CFH: variants seen among roughly 807,000 people sequenced by gnomAD.
The protein encoded by CFH is complement factor H.
CFH carries 53 observed loss-of-function variants against 147.3 expected under a neutral mutation model. The ratio of observed to expected loss-of-function variants is 0.36; its 90% CI spans 0.29 to 0.45. The LOEUF (loss-of-function observed/expected upper bound fraction) is 0.45, where lower values mean the gene tolerates loss of function less well. Among genes scored for constraint, CFH ranks in the 20% least tolerant of loss-of-function variants. The pLI, the probability that CFH is intolerant of heterozygous loss-of-function variation, is 1.00. For synonymous variants in CFH, 536 were observed against 489.4 expected (o/e 1.10, Z -1.26); for missense variants, 1,380 against 1,498.0 (o/e 0.92, Z 1.30).
chr1:196,747,440 G>T lies in CFH; in HGVS notation c.*127G>T, dbSNP rs369221006. On this transcript the variant is annotated 3_prime_UTR_variant, in exon 22 of 22. Transcript: ENST00000367429. ...AAATTTTGGATTAATTTGTGAAAAT[G>T]TAATTATAAGCTGAGACCGGTGGCT... 21 of 1,127,410 alleles carry T rather than the reference G, an allele frequency of 1.9e-5. No individual in the cohort carries two copies. The East Asian group carries it at 5.4e-4, about 29-fold the overall frequency. The allele number at this position is 1,127,410 out of a possible 1,614,324, so 69.8% of individuals were successfully genotyped here. A position where few individuals can be genotyped will look rare whatever the true frequency, so the allele number is the denominator to read the frequency against.
At chr1:196,703,919 G>A (rs1483075674) in intron 9 of CFH, among the ~76,000 whole-genome samples, 1 of 134,074 alleles carries the variant, frequency 7.5e-6, no homozygotes, top group East Asian at 2.5e-4. Flanking sequence ...GGGAGGCAGA[G>A]CTTGCAAGTG....
chr1:196,727,101 G>C (rs1446056305), intron 14 of CFH, among the ~76,000 whole-genome samples, 161 bp downstream of exon 14: 1 of 151,920 alleles, frequency 6.6e-6, no homozygotes, highest in Non-Finnish European at 1.5e-5. Flanking sequence ...TTCAATATGT[G>C]TCTAGAAAGA....
chr1:196,671,602 A>ACT (rs1438398796), intron 1 of CFH, among the ~76,000 whole-genome samples: 1 of 149,988 alleles, frequency 6.7e-6, no homozygotes, highest in South Asian at 2.1e-4. Context: ...ACACACACAC[A>ACT]CACACACACA....
chr1:196,741,604 A>T, intron 18 of CFH: 1 of 411,566 alleles, frequency 2.4e-6, no homozygotes, highest in Non-Finnish European at 4.5e-6. Flanking sequence ...GGACAAAAAT[A>T]ATGTGAACAA....
chr1:196,671,095 A>G (rs1475220176), intron 1 of CFH, among the ~76,000 whole-genome samples: 2 of 152,158 alleles, frequency 1.3e-5, no homozygotes, highest in Admixed American at 6.5e-5. Flanking sequence ...TCTTAAAACC[A>G]TCTGACAAGT....
At chr1:196,708,814 C>A (rs1449324645) in intron 9 of CFH, among the ~76,000 whole-genome samples, 1 of 152,102 alleles carries the variant, frequency 6.6e-6, no homozygotes. Flanking sequence ...CATTTTCCCA[C>A]CGACTCCAAA....
intron 9 of CFH, among the ~76,000 whole-genome samples, chr1:196,699,100 C>T (rs1668375004): frequency 1.3e-5 from 2 of 152,236 alleles, no homozygotes; most frequent in East Asian, 3.9e-4. Context: ...AAATATCATA[C>T]TAAATATGTG....
chr1:196,699,931 G>A (rs1308598945), intron 9 of CFH, among the ~76,000 whole-genome samples: 1 of 152,072 alleles, frequency 6.6e-6, no homozygotes, highest in South Asian at 2.1e-4. Context: ...ACTAGTCCAG[G>A]ATAACATAAT....
chr1:196,732,958 G>T (rs968038047), intron 15 of CFH, among the ~76,000 whole-genome samples: 1 of 151,990 alleles, frequency 6.6e-6, no homozygotes, highest in East Asian at 1.9e-4. Flanking sequence ...TGCTTGAAAT[G>T]AGTCCATTGT....
In CFH at chr1:196,736,889, C is replaced by A; in HGVS notation, c.2479C>A (p.Leu827Met). 1 of 1,608,040 alleles carries A rather than the reference C, an allele frequency of 6.2e-7. No homozygotes were observed. The highest frequency in any genetic ancestry group is 1.1e-5 in the South Asian group (1 of 90,296). ...IPNSHNMTTT[L>M]NYRDGEKVSV... ...CAATTCTCACAATATGACAACCACA[C>A]TGAATTATCGGGATGGAGAAAAAGT... is the stretch of plus-strand genomic sequence containing the variant. The change falls in exon 16 of 22, where the codon CTG becomes ATG. Residue 827 changes from leucine (L) to methionine (M), a missense_variant. Transcript: ENST00000367429.
At chr1:196,740,098 G>A (rs922860804) in intron 17 of CFH, among the ~76,000 whole-genome samples, 1 of 152,006 alleles carries the variant, frequency 6.6e-6, no homozygotes, top group African/African-American at 2.4e-5. Flanking sequence ...AGGAAAAATC[G>A]CCCTCATGAT....
intron 15 of CFH, among the ~76,000 whole-genome samples, chr1:196,736,186 C>T (rs1168960556): frequency 6.6e-6 from 1 of 152,036 alleles, no homozygotes; most frequent in Non-Finnish European, 1.5e-5. Context: ...CTGTGCAATG[C>T]ATTAAACTGG....
intron 7 of CFH, among the ~76,000 whole-genome samples, chr1:196,688,570 C>T (rs1317594026): frequency 6.6e-6 from 1 of 151,954 alleles, no homozygotes; most frequent in Non-Finnish European, 1.5e-5. Context: ...TATATTTTTA[C>T]GTTGTCTGCA....
chr1:196,697,111 T>C, intron 9 of CFH, among the ~76,000 whole-genome samples: 1 of 152,168 alleles, frequency 6.6e-6, no homozygotes, highest in Non-Finnish European at 1.5e-5. Flanking sequence ...ACTTCATGTC[T>C]AAAATACCAA....
At chr1:196,730,306 A>G (rs1287292321) in intron 15 of CFH, among the ~76,000 whole-genome samples, 1 of 151,870 alleles carries the variant, frequency 6.6e-6, no homozygotes, top group Non-Finnish European at 1.5e-5. Context: ...TACTGAAAAT[A>G]TTTTTAAATT....
At chr1:196,732,827 T>C (rs1049418580) in intron 15 of CFH, among the ~76,000 whole-genome samples, 7 of 152,046 alleles carry the variant, frequency 4.6e-5, no homozygotes, top group African/African-American at 1.7e-4. Context: ...TCTATTTTCA[T>C]AGTGAAAGTG....
intron 6 of CFH, among the ~76,000 whole-genome samples, chr1:196,682,204 G>A (rs760232230): frequency 4.2e-4 from 63 of 151,718 alleles, no homozygotes; most frequent in Non-Finnish European, 7.4e-4. Flanking sequence ...TCTTTGATCC[G>A]AATCTATCTC....
Position 196,679,617 on chromosome 1 carries a change from A to C in CFH, c.620-6A>C, listed in dbSNP as rs1573015482. 2.5e-6 allele frequency: 4 copies of C among 1,591,126 alleles called. No individual in the cohort carries two copies. In the Admixed American group the frequency reaches 5.0e-5, roughly 20 times the overall value. ...AACATTTTGGAATTTAATCCCTTTT[A>C]TTTAGAAATTTCATGCAAATCCCCA... On this transcript the variant is annotated splice_polypyrimidine_tract_variant and splice_region_variant and intron_variant, in intron 5 of 21. Coordinates refer to ENST00000367429, the MANE Select transcript of CFH (RefSeq NM_000186.4).
chr1:196,746,755 T>C (rs1653023356), intron 21 of CFH, among the ~76,000 whole-genome samples: 1 of 152,204 alleles, frequency 6.6e-6, no homozygotes, highest in Non-Finnish European at 1.5e-5. Context: ...ATCTCTATGT[T>C]TGATTCCAAG....
Sources: allele counts gnomAD v4.1 joint callset (sites outside exome capture counted in the v4.1 genomes callset), GRCh38; gene constraint gnomAD v4.1.1; transcripts MANE v1.5; gene names NCBI Gene and HGNC (gene_info 2026-07-23, HGNC 2026-07-21).